Variants in ARB2A observed in about 807,000 individuals in gnomAD.
ARB2A encodes the protein ARB2 cotranscriptional regulator A.
the ARB2A span, among the ~76,000 whole-genome samples, chr5:94,102,518 G>A: frequency 1.3e-5 from 2 of 152,174 alleles, no homozygotes; most frequent in Admixed American, 1.3e-4. Flanking sequence ...AAAAACATGG[G>A]ATTATGTAAA....
the ARB2A span, among the ~76,000 whole-genome samples, chr5:93,998,042 A>G: frequency 6.6e-6 from 1 of 151,846 alleles, no homozygotes; most frequent in Non-Finnish European, 1.5e-5. Context: ...TGGATGCATG[A>G]GTGTATCCAC....
At chr5:93,720,482 A>G in the ARB2A span, among the ~76,000 whole-genome samples, 1 of 152,198 alleles carries the variant, frequency 6.6e-6, no homozygotes, top group Admixed American at 6.5e-5. Flanking sequence ...TAAGATCTGG[A>G]TGCTATTTAT....
chr5:94,098,203 A>C, the ARB2A span, among the ~76,000 whole-genome samples: 1 of 152,340 alleles, frequency 6.6e-6, no homozygotes, highest in Middle Eastern at 3.4e-3. Context: ...AAAAGACAGC[A>C]ACAACAAAGA....
the ARB2A span, among the ~76,000 whole-genome samples, chr5:93,906,549 G>C: frequency 6.6e-6 from 1 of 151,400 alleles, no homozygotes; most frequent in Non-Finnish European, 1.5e-5. Context: ...CAAATATTGA[G>C]TGTCACAAAT....
chr5:93,984,879 AAAGG>A, the ARB2A span, among the ~76,000 whole-genome samples: 3 of 152,194 alleles, frequency 2.0e-5, no homozygotes, highest in Admixed American at 6.5e-5. Context: ...AATATTTTAA[AAAGG>A]AAGTTCTGTA....
the ARB2A span, among the ~76,000 whole-genome samples, chr5:93,910,400 C>T: frequency 3.3e-5 from 5 of 151,072 alleles, no homozygotes; most frequent in East Asian, 3.9e-4. Flanking sequence ...TGTCCTTTTA[C>T]AGTATGATTC....
chr5:93,664,279 T>C, the ARB2A span, among the ~76,000 whole-genome samples: 6 of 152,126 alleles, frequency 3.9e-5, no homozygotes, highest in South Asian at 1.2e-3. Context: ...CAGGTTCTCA[T>C]TATGTTGGTG....
the ARB2A span, among the ~76,000 whole-genome samples, chr5:93,827,881 AG>A: frequency 6.6e-6 from 1 of 152,044 alleles, no homozygotes; most frequent in Admixed American, 6.6e-5. Context: ...TGTTTTTCTC[AG>A]GTTTGTCAAA....
chr5:94,005,637 C>T, the ARB2A span, among the ~76,000 whole-genome samples: 1 of 152,156 alleles, frequency 6.6e-6, no homozygotes, highest in African/African-American at 2.4e-5. Flanking sequence ...AACCACCTAT[C>T]TGAAAAAGAA....
At chr5:94,037,114 C>A in the ARB2A span, among the ~76,000 whole-genome samples, 1 of 152,124 alleles carries the variant, frequency 6.6e-6, no homozygotes, top group Non-Finnish European at 1.5e-5. Context: ...CTGCGCTTTG[C>A]ATTCTGTTCA....
At chr5:93,796,066 C>A in the ARB2A span, among the ~76,000 whole-genome samples, 1 of 152,180 alleles carries the variant, frequency 6.6e-6, no homozygotes, top group South Asian at 2.1e-4. Flanking sequence ...TACGCTGAAA[C>A]CTGATGGTGT....
At chr5:93,620,903 G>T in the ARB2A span, 3 of 1,536,626 alleles carry the variant, frequency 2.0e-6, no homozygotes, top group Non-Finnish European at 2.6e-6. Context: ...TCTAATGAGG[G>T]GCTGGGAGTC....
At chr5:94,092,490 GT>G in the ARB2A span, among the ~76,000 whole-genome samples, 1 of 151,986 alleles carries the variant, frequency 6.6e-6, no homozygotes, top group Admixed American at 6.6e-5. Context: ...TTGTAATTAT[GT>G]TCCTTGCCAA....
chr5:93,910,339 C>A, the ARB2A span, among the ~76,000 whole-genome samples: 156 of 150,728 alleles, frequency 1.0e-3, no homozygotes, highest in Non-Finnish European at 1.4e-3. Flanking sequence ...ATATAAAGAC[C>A]AAAATGCTGA....
At chr5:93,937,304 AAG>A in the ARB2A span, among the ~76,000 whole-genome samples, 3 of 151,072 alleles carry the variant, frequency 2.0e-5, no homozygotes, top group Non-Finnish European at 3.0e-5. Flanking sequence ...GTTAGAGAGA[AAG>A]AGAGAGAGAG....
chr5:93,908,017 C>A, the ARB2A span, among the ~76,000 whole-genome samples: 1 of 151,058 alleles, frequency 6.6e-6, no homozygotes, highest in Non-Finnish European at 1.5e-5. Flanking sequence ...GTATATTTTG[C>A]TATTACCATC....
chr5:94,040,509 CA>C, the ARB2A span, among the ~76,000 whole-genome samples: 4 of 148,786 alleles, frequency 2.7e-5, no homozygotes, highest in Admixed American at 1.3e-4. Flanking sequence ...CCCCCTCCCC[CA>C]ACCCCACAAC....
the ARB2A span, among the ~76,000 whole-genome samples, chr5:94,006,704 C>A: frequency 6.6e-6 from 1 of 152,076 alleles, no homozygotes; most frequent in East Asian, 1.9e-4. Flanking sequence ...TACTAATATT[C>A]TTTATTTTAA....
At chr5:93,909,563 C>T in the ARB2A span, among the ~76,000 whole-genome samples, 5 of 150,910 alleles carry the variant, frequency 3.3e-5, no homozygotes, top group Admixed American at 2.7e-4. Context: ...ATCACCTCTG[C>T]CCCCTGCTGC....
Sources: gnomAD v4.1 joint callset for allele counts (sites outside exome capture counted in the v4.1 genomes callset) on GRCh38, gnomAD v4.1.1 for gene constraint, MANE v1.5 for transcripts, NCBI Gene and HGNC (gene_info 2026-07-23, HGNC 2026-07-21) for gene names.